Variants in SLC38A12 observed in about 807,000 individuals in gnomAD.
SLC38A12 encodes putative sodium-coupled neutral amino acid transporter 12.
the SLC38A12 span, among the ~76,000 whole-genome samples, chr17:74,816,850 G>T: frequency 4.6e-5 from 7 of 152,166 alleles, no homozygotes; most frequent in South Asian, 8.3e-4. Context: ...TGTCATATGG[G>T]CTAGACTGGA....
chr17:74,816,685 TTG>T, the SLC38A12 span, among the ~76,000 whole-genome samples: 461 of 152,222 alleles, frequency 3.0e-3, 1 homozygote, highest in African/African-American at 0.01. Flanking sequence ...TCGTTTTTTT[TTG>T]TTTTTTTTTA....
the SLC38A12 span, among the ~76,000 whole-genome samples, chr17:74,787,479 G>T: frequency 2.6e-5 from 4 of 151,184 alleles, no homozygotes; most frequent in Non-Finnish European, 1.5e-5. Context: ...AAAATTAGCC[G>T]GGCGCGGTGG....
the SLC38A12 span, among the ~76,000 whole-genome samples, chr17:74,834,553 C>T: frequency 1.3e-5 from 2 of 152,186 alleles, no homozygotes; most frequent in African/African-American, 4.8e-5. Context: ...CCCATCAGAA[C>T]CACCTCTTCC....
chr17:74,834,967 C>A, the SLC38A12 span, among the ~76,000 whole-genome samples: 2 of 152,322 alleles, frequency 1.3e-5, no homozygotes, highest in African/African-American at 4.8e-5. Flanking sequence ...GGGAACACAG[C>A]CCCTTGTCCC....
the SLC38A12 span, among the ~76,000 whole-genome samples, chr17:74,826,055 TTA>T: frequency 6.6e-6 from 1 of 152,152 alleles, no homozygotes; most frequent in African/African-American, 2.4e-5. Flanking sequence ...GCCTGAAATT[TTA>T]TGTTTCCAAT....
the SLC38A12 span, chr17:74,795,121 C>G: frequency 6.2e-7 from 1 of 1,613,006 alleles, no homozygotes; most frequent in Non-Finnish European, 8.5e-7. Context: ...GGTGAGTACC[C>G]TCCTGGCCCC....
the SLC38A12 span, among the ~76,000 whole-genome samples, chr17:74,813,166 G>A: frequency 3.2e-3 from 493 of 152,234 alleles, 3 homozygotes; most frequent in African/African-American, 0.011. Context: ...GAACAAAAGC[G>A]TCGCCTGCGT....
the SLC38A12 span, among the ~76,000 whole-genome samples, chr17:74,791,875 G>C: frequency 3.3e-5 from 5 of 151,862 alleles, no homozygotes; most frequent in African/African-American, 1.2e-4. Context: ...GGCCGGGCAC[G>C]GTGGCTAACT....
chr17:74,790,555 C>T, the SLC38A12 span, among the ~76,000 whole-genome samples: 1 of 152,078 alleles, frequency 6.6e-6, no homozygotes, highest in Non-Finnish European at 1.5e-5. Context: ...TCCCCCCATA[C>T]CCCTTCCTGT....
At chr17:74,785,493 G>A in the SLC38A12 span, 1 of 1,612,508 alleles carries the variant, frequency 6.2e-7, no homozygotes, top group South Asian at 1.1e-5. Flanking sequence ...TTGGGCTGGT[G>A]TACATGTTTA....
At chr17:74,788,751 C>T in the SLC38A12 span, 4 of 1,590,730 alleles carry the variant, frequency 2.5e-6, no homozygotes, top group South Asian at 3.3e-5. Context: ...TCTCCTCCAA[C>T]CTGTCCGCCT....
At chr17:74,780,776 A>G in the SLC38A12 span, among the ~76,000 whole-genome samples, 1 of 152,192 alleles carries the variant, frequency 6.6e-6, no homozygotes, top group Non-Finnish European at 1.5e-5. Flanking sequence ...CTGAGCCCCC[A>G]CTAAACACAC....
At chr17:74,806,802 C>T in the SLC38A12 span, among the ~76,000 whole-genome samples, 4 of 152,138 alleles carry the variant, frequency 2.6e-5, no homozygotes, top group African/African-American at 9.7e-5. Flanking sequence ...TGTCTATACT[C>T]CTAGTTCAAA....
At chr17:74,794,839 A>G in the SLC38A12 span, among the ~76,000 whole-genome samples, 1 of 152,194 alleles carries the variant, frequency 6.6e-6, no homozygotes, top group African/African-American at 2.4e-5. Context: ...GTAGCCAGCC[A>G]GAAAAAGAAA....
the SLC38A12 span, among the ~76,000 whole-genome samples, chr17:74,835,303 C>T: frequency 6.6e-6 from 1 of 152,320 alleles, no homozygotes; most frequent in African/African-American, 2.4e-5. Context: ...CCTGGCGTGA[C>T]CACTGGCAAC....
chr17:74,793,444 G>A, the SLC38A12 span, among the ~76,000 whole-genome samples: 236 of 152,326 alleles, frequency 1.5e-3, no homozygotes, highest in African/African-American at 5.3e-3. Context: ...TTCACCCTTG[G>A]TGGGGCTGCC....
chr17:74,826,702 C>A, the SLC38A12 span, among the ~76,000 whole-genome samples: 2 of 152,230 alleles, frequency 1.3e-5, no homozygotes, highest in Non-Finnish European at 2.9e-5. Context: ...ACCCACACCA[C>A]AGCCCAAGTG....
At chr17:74,831,135 A>G in the SLC38A12 span, among the ~76,000 whole-genome samples, 1 of 151,784 alleles carries the variant, frequency 6.6e-6, no homozygotes, top group Non-Finnish European at 1.5e-5. Context: ...GACCCCCACC[A>G]CGTGCCTCCT....
At chr17:74,838,984 C>T in the SLC38A12 span, 7 of 1,535,634 alleles carry the variant, frequency 4.6e-6, no homozygotes, top group Non-Finnish European at 6.1e-6. Context: ...TTAAACTCAA[C>T]AGCCTCTACC....
Sources: allele counts gnomAD v4.1 joint callset (sites outside exome capture counted in the v4.1 genomes callset), GRCh38; gene constraint gnomAD v4.1.1; transcripts MANE v1.5; gene names NCBI Gene and HGNC (gene_info 2026-07-23, HGNC 2026-07-21).